ULK4: variants seen among roughly 807,000 people sequenced by gnomAD.
ULK4 encodes inactive serine/threonine-protein kinase ULK4.
In ULK4, 133 loss-of-function variants were observed where a neutral mutation model predicts 160.6. That is an observed-to-expected ratio of 0.83 (90% CI 0.72 to 0.96). ULK4 has a LOEUF of 0.96. ULK4 is among the 40% of genes least tolerant of loss of function. The pLI, the probability that ULK4 is intolerant of heterozygous loss-of-function variation, is 0.00. For synonymous variants in ULK4, 534 were observed against 539.8 expected (o/e 0.99, Z 0.15); for missense variants, 1,580 against 1,499.5 (o/e 1.05, Z -0.89).
At chr3:41,519,552 AAC>A (rs1297639596) in intron 32 of ULK4, among the ~76,000 whole-genome samples, 3 of 152,328 alleles carry the variant, frequency 2.0e-5, no homozygotes, top group Non-Finnish European at 2.9e-5. Context: ...CCTCTCCTGA[AAC>A]ACAGTGTGGT....
intron 2 of ULK4, among the ~76,000 whole-genome samples, chr3:41,945,669 T>C (rs554792698): frequency 6.6e-6 from 1 of 152,202 alleles, no homozygotes; most frequent in East Asian, 1.9e-4. Flanking sequence ...AGAAAGCACT[T>C]TGTGCCCATT....
At chr3:41,737,364 A>G (rs920808436) in intron 22 of ULK4, among the ~76,000 whole-genome samples, 4 of 151,994 alleles carry the variant, frequency 2.6e-5, no homozygotes, top group Non-Finnish European at 5.9e-5. Flanking sequence ...GAAATTAAAG[A>G]GGATACAAAC....
At chr3:41,725,846 G>A (rs2037629601) in intron 22 of ULK4, among the ~76,000 whole-genome samples, 1 of 152,144 alleles carries the variant, frequency 6.6e-6, no homozygotes, top group African/African-American at 2.4e-5. Flanking sequence ...ATTTGCTTCT[G>A]GAAGGCAGCT....
intron 34 of ULK4, among the ~76,000 whole-genome samples, chr3:41,444,888 G>A (rs544839857): frequency 4.6e-5 from 7 of 152,196 alleles, no homozygotes; most frequent in African/African-American, 1.7e-4. Context: ...TCAGGCAGGA[G>A]AAAGAAATAA....
intron 22 of ULK4, among the ~76,000 whole-genome samples, chr3:41,748,180 CAT>C (rs888912204): frequency 6.7e-6 from 1 of 148,938 alleles, no homozygotes; most frequent in Admixed American, 6.7e-5. Context: ...ATACACACAC[CAT>C]AGAGACGTAT....
intron 22 of ULK4, among the ~76,000 whole-genome samples, chr3:41,734,455 T>C (rs1222629072): frequency 2.6e-5 from 4 of 152,196 alleles, no homozygotes; most frequent in Non-Finnish European, 4.4e-5. Flanking sequence ...GTGTATGCAA[T>C]TGAATACGTT....
Position 41,896,862 on chromosome 3 carries a change from C to T in ULK4, c.1490G>A (p.Gly497Asp), listed in dbSNP as rs530360441. Residue 497 changes from glycine to aspartate, a missense_variant, in exon 15 of 37, where the codon GGT (glycine) becomes GAT (aspartate). By Grantham distance (94) the Gly-to-Asp change is moderately conservative. Coordinates refer to ENST00000301831, the MANE Select transcript of ULK4 (RefSeq NM_017886.4). ...NLLCYLCVVAGHQEVATRLLH... is the reference protein window; with the variant it reads ...NLLCYLCVVADHQEVATRLLH... ...GAGCCTGGTGGCCACCTCCTGGTGACCAGCCACCACGCACAAATAGCAAAG... is the reference window on the plus strand; with the variant it reads ...GAGCCTGGTGGCCACCTCCTGGTGATCAGCCACCACGCACAAATAGCAAAG... 1.2e-6 allele frequency: 2 copies of T among 1,613,224 alleles called. No homozygotes were observed. The highest frequency in any genetic ancestry group is 2.7e-5 in the African/African-American group (2 of 75,024).
At chr3:41,704,971 C>T in intron 27 of ULK4, 86 bp downstream of exon 27, 1 of 1,023,070 alleles carries the variant, frequency 9.8e-7, no homozygotes, top group Non-Finnish European at 1.4e-6. Context: ...CACATATGAG[C>T]CAAGCACTGT....
At chr3:41,496,565 G>A (rs1337250342) in intron 32 of ULK4, among the ~76,000 whole-genome samples, 1 of 152,042 alleles carries the variant, frequency 6.6e-6, no homozygotes, top group African/African-American at 2.4e-5. Flanking sequence ...TGCTGAGGGA[G>A]CGACAGTTTT....
At chr3:41,435,663 C>A (rs891389129) in intron 34 of ULK4, among the ~76,000 whole-genome samples, 1 of 152,136 alleles carries the variant, frequency 6.6e-6, no homozygotes, top group African/African-American at 2.4e-5. Context: ...AGAATACAGA[C>A]AGGCTGGGTG....
chr3:41,522,610 AAAG>A (rs2085970792), intron 32 of ULK4, among the ~76,000 whole-genome samples: 1 of 152,220 alleles, frequency 6.6e-6, no homozygotes, highest in South Asian at 2.1e-4. Context: ...ATGAAATATT[AAAG>A]AAAGAAAAAT....
chr3:41,768,728 A>G (rs13093299), intron 21 of ULK4, among the ~76,000 whole-genome samples: 19,939 of 152,238 alleles, frequency 0.13, 1,591 homozygotes, highest in Admixed American at 0.21. Context: ...AAATCATAAC[A>G]TTTTGGGTGG....
At chr3:41,844,570 A>C (rs2125666209) in intron 17 of ULK4, among the ~76,000 whole-genome samples, 1 of 152,240 alleles carries the variant, frequency 6.6e-6, no homozygotes, top group African/African-American at 2.4e-5. Flanking sequence ...CTGCAAGCTG[A>C]GGGAGCCGGC....
At chr3:41,301,031 C>T (rs1164822691) in intron 35 of ULK4, among the ~76,000 whole-genome samples, 1 of 151,242 alleles carries the variant, frequency 6.6e-6, no homozygotes, top group African/African-American at 2.4e-5. Flanking sequence ...TTGTCCAAGG[C>T]CTTGCAGCCC....
At chr3:41,687,918 C>T (rs1355039249) in intron 27 of ULK4, 3 of 152,252 alleles carry the variant, frequency 2.0e-5, no homozygotes, top group African/African-American at 7.2e-5. Context: ...AAACATCTCT[C>T]CCACAAGGGC....
At chr3:41,770,060 A>T (rs1444350029) in intron 21 of ULK4, among the ~76,000 whole-genome samples, 2 of 152,238 alleles carry the variant, frequency 1.3e-5, no homozygotes, top group Non-Finnish European at 2.9e-5. Context: ...TTAGCCAAGT[A>T]CCTAAGTAAA....
At chr3:41,503,066 C>G (rs1238312795) in intron 32 of ULK4, among the ~76,000 whole-genome samples, 1 of 152,010 alleles carries the variant, frequency 6.6e-6, no homozygotes, top group Non-Finnish European at 1.5e-5. Context: ...TCAATAGTTA[C>G]AGAAATTCAA....
intron 35 of ULK4, among the ~76,000 whole-genome samples, chr3:41,263,384 G>A (rs1180264119): frequency 1.3e-5 from 2 of 152,114 alleles, no homozygotes; most frequent in Non-Finnish European, 2.9e-5. Flanking sequence ...GCTTAACAGG[G>A]CCTGTTTCCA....
intron 32 of ULK4, among the ~76,000 whole-genome samples, chr3:41,488,823 A>C (rs2084639938): frequency 6.6e-6 from 1 of 152,238 alleles, no homozygotes; most frequent in Non-Finnish European, 1.5e-5. Context: ...GGGACATTAA[A>C]GTGCTGGCTT....
Sources: allele counts gnomAD v4.1 joint callset (sites outside exome capture counted in the v4.1 genomes callset), GRCh38; gene constraint gnomAD v4.1.1; transcripts MANE v1.5; gene names NCBI Gene and HGNC (gene_info 2026-07-23, HGNC 2026-07-21).